PCDHA3: variants seen among roughly 807,000 people sequenced by gnomAD.
The protein encoded by PCDHA3 is protocadherin alpha-3.
A neutral mutation model predicts 62.2 loss-of-function variants in PCDHA3; 41 were observed. The ratio of observed to expected loss-of-function variants is 0.66; its 90% CI spans 0.51 to 0.86. The LOEUF is 0.86. Among genes scored for constraint, PCDHA3 ranks in the 40% least tolerant of loss-of-function variants. The pLI is 0.00. For missense variants in PCDHA3, 1,304 were observed against 1,241.2 expected, an observed-to-expected ratio of 1.05 and a Z score of -0.76; for synonymous variants, 640 against 555.4, an observed-to-expected ratio of 1.15 and a Z score of -2.14.
chr5:140,882,813 C>T lies in PCDHA3; in HGVS notation c.2394+79222C>T, dbSNP rs782169035. On this transcript the variant is annotated intron_variant, in intron 1 of 3. Transcript: ENST00000522353. ...CCCAACGATTATTTCACTTTGGACG[C>T]ACAAAACAGTCTTGAGCAAATGTCT... 4 of 1,614,176 alleles carry T rather than the reference C, an allele frequency of 2.5e-6. No individual in the cohort carries two copies. The East Asian group carries it at 6.7e-5, about 27-fold the overall frequency.
rs529585383 is a variant in PCDHA3 at position 140,982,571 on chromosome 5, G to T, written c.2542+8G>T. 243 of 1,613,888 alleles carry T rather than the reference G, an allele frequency of 1.5e-4. 4 individuals carry two copies. The South Asian group carries it at 2.5e-3, about 17-fold the overall frequency. ...TATCCAGTGCAACACCAGGTAAAGAGCTGGGGTCTCTCCATTCTTTCTTGG... is the reference window on the plus strand; with the variant it reads ...TATCCAGTGCAACACCAGGTAAAGATCTGGGGTCTCTCCATTCTTTCTTGG... On this transcript the variant is annotated splice_region_variant and intron_variant, in intron 3 of 3. Transcript: ENST00000522353.
chr5:140,860,512 T>A (rs1379513509), intron 1 of PCDHA3: 3 of 152,166 alleles, frequency 2.0e-5, no homozygotes, highest in African/African-American at 7.2e-5. Context: ...AAGATAAAAC[T>A]CTTCATGGAA....
intron 1 of PCDHA3, among the ~76,000 whole-genome samples, chr5:140,948,536 C>T (rs2094269261): frequency 6.6e-6 from 1 of 151,548 alleles, no homozygotes; most frequent in Admixed American, 6.6e-5. Context: ...TATTTTATTT[C>T]ATGCTCTGTC....
rs149166530 is a variant in PCDHA3, at chr5:140,990,443, A to G, written c.2542+7880A>G. Among the ~76,000 whole-genome samples the G allele has an allele frequency of 8.3e-4, 127 of 152,344 alleles. 2 individuals carry two copies. The East Asian group carries it at 0.024, about 29-fold the overall frequency. On this transcript the variant is annotated intron_variant, in intron 3 of 3. Transcript: ENST00000522353. ...CCAGCATTGACCCAATCTTGTGTCC[A>G]GAGCTGTTGCTGTAGGTGGTATCAT...
chr5:140,972,469 C>G (rs782470724), intron 1 of PCDHA3, among the ~76,000 whole-genome samples: 6 of 152,054 alleles, frequency 3.9e-5, no homozygotes, highest in Admixed American at 3.9e-4. Context: ...TATTAAACAT[C>G]AGCATTTAAC....
chr5:140,974,709 C>T (rs1385583490), intron 1 of PCDHA3, among the ~76,000 whole-genome samples: 1 of 152,092 alleles, frequency 6.6e-6, no homozygotes, highest in Non-Finnish European at 1.5e-5. Flanking sequence ...CCATGTTGTT[C>T]AAGCTGCTCT....
At chr5:140,838,077 AGTGTGTGTGTGTGT>A (rs57130401) in intron 1 of PCDHA3, among the ~76,000 whole-genome samples, 81 of 80,694 alleles carry the variant, frequency 1.0e-3, no homozygotes, top group East Asian at 2.9e-3. Flanking sequence ...ATATATATAT[AGTGTGTGTGTGTGT>A]GTGTGTGTGT....
chr5:140,916,840 C>G (rs1350788875), intron 1 of PCDHA3, among the ~76,000 whole-genome samples: 1 of 152,128 alleles, frequency 6.6e-6, no homozygotes, highest in African/African-American at 2.4e-5. Context: ...TGGTTCTGAG[C>G]CCAGCCCAGC....
chr5:140,863,443 C>A (rs1389927128), intron 1 of PCDHA3: 2 of 591,510 alleles, frequency 3.4e-6, no homozygotes, highest in Non-Finnish European at 3.2e-6. Flanking sequence ...TGGTCTTACT[C>A]GCAGCAAAGG....
At chr5:140,926,861 G>T in intron 1 of PCDHA3, 1 of 1,522,578 alleles carries the variant, frequency 6.6e-7, no homozygotes, top group Non-Finnish European at 8.8e-7. Flanking sequence ...TTGGTGTAGC[G>T]TGTTGGTGGA....
chr5:140,882,608 C>T (rs748674238), intron 1 of PCDHA3: 20 of 1,614,132 alleles, frequency 1.2e-5, no homozygotes, highest in Non-Finnish European at 1.7e-5. Flanking sequence ...GGACAGGCCT[C>T]TGCAGGTTTT....
At chr5:140,822,740 T>C (rs2150119002) in intron 1 of PCDHA3, 2 of 1,613,644 alleles carry the variant, frequency 1.2e-6, no homozygotes, top group Non-Finnish European at 1.7e-6. Flanking sequence ...ATTGATGCCA[T>C]GGATAAAAGT....
At chr5:140,928,208 A>G in intron 1 of PCDHA3, 1 of 1,614,228 alleles carries the variant, frequency 6.2e-7, no homozygotes, top group Non-Finnish European at 8.5e-7. Context: ...GCTGATGTGA[A>G]TGACAATACA....
intron 1 of PCDHA3, chr5:140,829,309 G>T (rs2150165707): frequency 1.2e-6 from 2 of 1,614,252 alleles, no homozygotes; most frequent in South Asian, 1.1e-5. Flanking sequence ...ATTACTACTC[G>T]TTGGTGCTGG....
chr5:140,841,799 G>A (rs2150322924), intron 1 of PCDHA3: 2 of 1,613,942 alleles, frequency 1.2e-6, no homozygotes, highest in East Asian at 2.2e-5. Context: ...CGCGTCCGAT[G>A]CAGATGTTGG....
At chr5:140,948,708 C>T (rs1376587735) in intron 1 of PCDHA3, among the ~76,000 whole-genome samples, 1 of 151,114 alleles carries the variant, frequency 6.6e-6, no homozygotes, top group Non-Finnish European at 1.5e-5. Flanking sequence ...TGTGTTCTAT[C>T]CTCTTTTTTA....
chr5:140,851,102 G>C, intron 1 of PCDHA3: 1 of 1,288,626 alleles, frequency 7.8e-7, no homozygotes, highest in African/African-American at 1.5e-5. Context: ...ATATTTTTTG[G>C]GTGCTGAATC....
chr5:140,823,733 A>G (rs2150128573), intron 1 of PCDHA3: 3 of 1,613,866 alleles, frequency 1.9e-6, no homozygotes, highest in Non-Finnish European at 1.7e-6. Flanking sequence ...GTGAAGGACC[A>G]TGGAGAGCCC....
chr5:140,962,068 G>C (rs2095654419), intron 1 of PCDHA3, among the ~76,000 whole-genome samples: 1 of 151,882 alleles, frequency 6.6e-6, no homozygotes, highest in African/African-American at 2.4e-5. Context: ...GTATTTTTTA[G>C]TAGAGACGGG....
Sources: gnomAD v4.1 joint callset for allele counts (sites outside exome capture counted in the v4.1 genomes callset) on GRCh38, gnomAD v4.1.1 for gene constraint, MANE v1.5 for transcripts, NCBI Gene and HGNC (gene_info 2026-07-23, HGNC 2026-07-21) for gene names.